GRID2: variants seen among roughly 807,000 people sequenced by gnomAD.
GRID2 encodes the protein glutamate receptor ionotropic, delta-2.
Under a neutral mutation model 114.8 loss-of-function variants are expected in GRID2, and 33 were observed. The observed-to-expected ratio is 0.29, with a 90% CI of 0.22 to 0.38. The LOEUF is 0.38. Ranked by LOEUF, GRID2 falls within the 10% of genes least tolerant of loss-of-function variation. The probability of loss-of-function intolerance (pLI) is 1.00; values close to 1 mark genes in which losing one functional copy is unlikely to be tolerated. For synonymous variants in GRID2, 505 were observed against 449.9 expected (o/e 1.12, Z -1.55); for missense variants, 1,184 against 1,257.7 (o/e 0.94, Z 0.89).
At chr4:92,920,089 T>C (rs927839829) in intron 2 of GRID2, among the ~76,000 whole-genome samples, 5 of 152,222 alleles carry the variant, frequency 3.3e-5, no homozygotes, top group African/African-American at 4.8e-5. Context: ...TTGATCTCTT[T>C]ACCATTATAT....
intron 2 of GRID2, among the ~76,000 whole-genome samples, chr4:92,818,013 A>G (rs144421335): frequency 2.0e-5 from 3 of 152,314 alleles, no homozygotes; most frequent in African/African-American, 7.2e-5. Context: ...ACTGACCTCA[A>G]TCATATTCAT....
chr4:92,697,602 G>T (rs548077163), intron 2 of GRID2, among the ~76,000 whole-genome samples: 1 of 152,244 alleles, frequency 6.6e-6, no homozygotes, highest in South Asian at 2.1e-4. Context: ...TGTTGTGGTA[G>T]TGCCCGTGAG....
At chr4:93,026,886 G>T (rs2149252707) in intron 2 of GRID2, among the ~76,000 whole-genome samples, 1 of 152,050 alleles carries the variant, frequency 6.6e-6, no homozygotes, top group Middle Eastern at 3.4e-3. Context: ...ACAAAAAAAT[G>T]ATAATGGCCT....
chr4:92,393,695 A>G (rs767674211), intron 1 of GRID2, among the ~76,000 whole-genome samples: 2 of 152,038 alleles, frequency 1.3e-5, no homozygotes, highest in African/African-American at 2.4e-5. Context: ...GTTGCTCTTT[A>G]GTTTTGGGGA....
Position 92,653,017 on chromosome 4 carries a change from C to CT in GRID2, c.244+62741dup, listed in dbSNP as rs1192431973. 7.7e-3 allele frequency among the ~76,000 whole-genome samples: 932 copies of CT among 120,524 alleles called. 34 individuals are homozygous for CT. Among genetic ancestry groups the CT allele is most frequent in the African/African-American group, 0.017 (580 of 33,728 alleles). 79.1% of individuals were successfully genotyped at this position (120,524 alleles called of 152,430 possible). ...AAATATATATAAATACATATATATACTTTTTTTTTTCTAAGTTGGCGTCTC... is the reference window on the plus strand; with the variant it reads ...AAATATATATAAATACATATATATACTTTTTTTTTTTCTAAGTTGGCGTCTC... On this transcript the variant is annotated intron_variant, in intron 2 of 15. Coordinates refer to ENST00000282020, the MANE Select transcript of GRID2 (RefSeq NM_001510.4).
intron 2 of GRID2, among the ~76,000 whole-genome samples, chr4:92,749,759 A>T (rs577550677): frequency 8.5e-4 from 130 of 152,274 alleles, no homozygotes; most frequent in African/African-American, 3.0e-3. Context: ...TTTAATGGGT[A>T]CAAACATACA....
chr4:92,523,179 G>C (rs1724873241), intron 1 of GRID2, among the ~76,000 whole-genome samples: 1 of 152,016 alleles, frequency 6.6e-6, no homozygotes, highest in South Asian at 2.1e-4. Flanking sequence ...GAGTCCAAGA[G>C]AGAGGGAAAA....
chr4:92,658,500 G>A (rs1173885514), intron 2 of GRID2, among the ~76,000 whole-genome samples: 1 of 151,742 alleles, frequency 6.6e-6, no homozygotes, highest in African/African-American at 2.4e-5. Flanking sequence ...GGCCCAGACA[G>A]CATTTGTGTT....
At chr4:93,752,676 C>T (rs961708143) in intron 14 of GRID2, among the ~76,000 whole-genome samples, 5 of 152,138 alleles carry the variant, frequency 3.3e-5, no homozygotes, top group African/African-American at 1.2e-4. Flanking sequence ...GGCCAATACT[C>T]ATACTCTTAA....
At chr4:93,501,587 A>G (rs1728111795) in intron 12 of GRID2, among the ~76,000 whole-genome samples, 1 of 145,618 alleles carries the variant, frequency 6.9e-6, no homozygotes, top group African/African-American at 2.4e-5. Context: ...GATGTCATAG[A>G]CAGAATTTTG....
intron 1 of GRID2, among the ~76,000 whole-genome samples, chr4:92,325,978 T>C (rs1726573858): frequency 6.6e-6 from 1 of 151,758 alleles, no homozygotes; most frequent in African/African-American, 2.4e-5. Flanking sequence ...TACTGAAAAG[T>C]TTGTTTTCTC....
chr4:93,174,019 A>C (rs1275496015), intron 4 of GRID2, among the ~76,000 whole-genome samples: 1 of 152,306 alleles, frequency 6.6e-6, no homozygotes, highest in African/African-American at 2.4e-5. Context: ...GTAATCAAGT[A>C]TACCCTTCCC....
At chr4:93,165,313 A>G (rs1738144707) in intron 4 of GRID2, among the ~76,000 whole-genome samples, 1 of 152,072 alleles carries the variant, frequency 6.6e-6, no homozygotes, top group Non-Finnish European at 1.5e-5. Context: ...CAAAGAGAAG[A>G]AAAGACCAGG....
chr4:93,470,437 G>A (rs1724694400), intron 11 of GRID2, among the ~76,000 whole-genome samples: 1 of 152,080 alleles, frequency 6.6e-6, no homozygotes, highest in South Asian at 2.1e-4. Flanking sequence ...TCCAAGACTT[G>A]ACAGCGATGC....
intron 2 of GRID2, among the ~76,000 whole-genome samples, chr4:92,832,660 C>A (rs539386198): frequency 6.6e-6 from 1 of 152,166 alleles, no homozygotes; most frequent in East Asian, 2.0e-4. Context: ...TCCCAAAGTG[C>A]TGGGATCACA....
At chr4:92,617,403 T>C (rs1730054620) in intron 2 of GRID2, among the ~76,000 whole-genome samples, 1 of 151,670 alleles carries the variant, frequency 6.6e-6, no homozygotes, top group South Asian at 2.1e-4. Flanking sequence ...GGCCCTGCTG[T>C]GTGATGCTAC....
intron 14 of GRID2, among the ~76,000 whole-genome samples, chr4:93,694,472 G>A (rs17021013): frequency 0.041 from 6,245 of 152,192 alleles, 197 homozygotes; most frequent in African/African-American, 0.081. Context: ...TGGGTCTTGC[G>A]ATCCATGTAT....
chr4:93,624,160 A>T (rs1742473104), intron 13 of GRID2, among the ~76,000 whole-genome samples: 2 of 151,848 alleles, frequency 1.3e-5, no homozygotes, highest in South Asian at 4.2e-4. Flanking sequence ...ATTAATAGAA[A>T]AGCAAATCAT....
intron 1 of GRID2, among the ~76,000 whole-genome samples, chr4:92,519,671 T>G (rs1724673358): frequency 1.3e-5 from 2 of 151,686 alleles, no homozygotes; most frequent in South Asian, 4.2e-4. Context: ...TTGGTTTACA[T>G]ATTTATAAAA....
Sources: gnomAD v4.1 joint callset for allele counts (sites outside exome capture counted in the v4.1 genomes callset) on GRCh38, gnomAD v4.1.1 for gene constraint, MANE v1.5 for transcripts, NCBI Gene and HGNC (gene_info 2026-07-23, HGNC 2026-07-21) for gene names.